The following URI1 variants were observed in gnomAD, a reference collection of about 807,000 sequenced individuals.
URI1 encodes unconventional prefoldin RPB5 interactor 1.
In URI1, 39 loss-of-function variants were observed where a neutral mutation model predicts 60.2. That is an observed-to-expected ratio of 0.65 (90% CI 0.50 to 0.85). The LOEUF (loss-of-function observed/expected upper bound fraction) is 0.85, where lower values mean the gene tolerates loss of function less well. Ranked by LOEUF, URI1 falls within the 40% of genes least tolerant of loss-of-function variation. URI1 has a pLI of 0.00. For missense variants in URI1, 691 were observed against 665.9 expected, an observed-to-expected ratio of 1.04 and a Z score of -0.42; for synonymous variants, 251 against 236.8, an observed-to-expected ratio of 1.06 and a Z score of -0.55.
intron 1 of URI1, among the ~76,000 whole-genome samples, chr19:29,934,855 C>G (rs989860009): frequency 6.6e-6 from 1 of 152,162 alleles, no homozygotes; most frequent in South Asian, 2.1e-4. Flanking sequence ...CAGGCATAAG[C>G]CAACATGCCC....
chr19:29,982,891 G>T (rs995611846), intron 2 of URI1, among the ~76,000 whole-genome samples: 16 of 152,148 alleles, frequency 1.1e-4, no homozygotes, highest in African/African-American at 3.9e-4. Context: ...ATTTAATTCT[G>T]TTGAACCTGT....
chr19:29,978,842 G>A (rs2055557703), intron 2 of URI1, among the ~76,000 whole-genome samples: 1 of 152,062 alleles, frequency 6.6e-6, no homozygotes, highest in Non-Finnish European at 1.5e-5. Flanking sequence ...TAATTTTGAG[G>A]TTTTTAAATA....
At chr19:29,947,256 G>A (rs1391060089) in intron 1 of URI1, among the ~76,000 whole-genome samples, 1 of 152,200 alleles carries the variant, frequency 6.6e-6, no homozygotes, top group African/African-American at 2.4e-5. Context: ...ATGCATATGT[G>A]AAGAAATGGA....
intron 1 of URI1, among the ~76,000 whole-genome samples, chr19:29,927,654 G>A (rs1443318015): frequency 7.3e-6 from 1 of 137,592 alleles, no homozygotes; most frequent in Non-Finnish European, 1.5e-5. Flanking sequence ...TCAGCTCACT[G>A]CAACCTCCAC....
At chr19:29,938,663 A>C (rs988980691), upstream of URI1, among the ~76,000 whole-genome samples, 8 of 152,164 alleles carry the variant, frequency 5.3e-5, no homozygotes, top group African/African-American at 1.9e-4. Context: ...TAAAGTAATA[A>C]GGTAATAAAA....
intron 4 of URI1, among the ~76,000 whole-genome samples, chr19:29,988,003 A>G (rs1486631861): frequency 1.3e-5 from 2 of 152,038 alleles, no homozygotes; most frequent in East Asian, 3.9e-4. Context: ...CCTCGTCTCT[A>G]CTAAAAATAC....
chr19:29,948,715 A>G (rs2055132469), intron 1 of URI1, among the ~76,000 whole-genome samples: 1 of 152,226 alleles, frequency 6.6e-6, no homozygotes, highest in East Asian at 1.9e-4. Context: ...AGTACAGAAC[A>G]AAATGTAGTC....
chr19:29,951,187 A>G lies in URI1; in HGVS notation c.117+8523A>G, dbSNP rs1272480125. On this transcript the variant is annotated intron_variant, in intron 1 of 10. Coordinates refer to ENST00000392271, the MANE Select transcript of URI1 (RefSeq NM_003796.3). ...AGACACATAATGTCATTTTTGTCCC[A>G]TTATTAGTGTTGCTAACCACTTGTT... Among the ~76,000 whole-genome samples the G allele has an allele frequency of 4.6e-5, 7 of 152,152 alleles. No homozygotes were observed. In the South Asian group the frequency reaches 8.3e-4, roughly 18 times the overall value.
At chr19:29,957,072 C>T in intron 1 of URI1, 1 of 528,570 alleles carries the variant, frequency 1.9e-6, no homozygotes, top group South Asian at 2.1e-5. Flanking sequence ...TTGTCATTTT[C>T]CTGCTTATAA....
intron 1 of URI1, among the ~76,000 whole-genome samples, chr19:29,950,267 G>C (rs2145251521): frequency 6.6e-6 from 1 of 152,298 alleles, no homozygotes; most frequent in African/African-American, 2.4e-5. Context: ...ACACTGGGGG[G>C]AAAGGGGGAA....
At position 30,009,311 on chromosome 19, in the gene URI1, T is replaced by C; in HGVS notation, c.993T>C (p.Ser331=). The C allele has an allele frequency of 6.2e-7, 1 of 1,614,116 alleles. No individual in the cohort carries two copies. The highest frequency in any genetic ancestry group is 8.5e-7 in the Non-Finnish European group (1 of 1,179,984). Residue 331 remains serine, a synonymous_variant, in exon 8 of 11, where the codon TCT becomes TCC. Transcript: ENST00000392271. The stretch of plus-strand genomic sequence containing the variant: ...AGGCTTTAGGGGTTGGAGATAATTC[T>C]ATACCAACAATATATTTTTCACATA... ...DHEALGVGDN[S]IPTIYFSHTV...
Position 30,012,479 on chromosome 19 carries a change from A to G in URI1, c.1373A>G (p.Glu458Gly). 6.2e-7 allele frequency: 1 copy of G among 1,614,228 alleles called. No homozygotes were observed. The highest frequency in any genetic ancestry group is 8.5e-7 in the Non-Finnish European group (1 of 1,180,020). Residue 458 changes from glutamate (E) to glycine (G), a missense_variant, in exon 10 of 11, where the codon GAG (glutamate) becomes GGG (glycine). Coordinates refer to ENST00000392271, the MANE Select transcript of URI1 (RefSeq NM_003796.3). Reference protein sequence around the residue: ...CSDTSESILEEEPQENQKKLL... With the variant: ...CSDTSESILEGEPQENQKKLL... The stretch of plus-strand genomic sequence containing the variant: ...GACACCAGTGAGAGCATTTTGGAAG[A>G]GGAACCACAAGAAAATCAAAAGAAA...
intron 1 of URI1, among the ~76,000 whole-genome samples, chr19:29,930,641 G>A (rs1336648641): frequency 1.3e-5 from 2 of 151,774 alleles, no homozygotes; most frequent in Admixed American, 1.3e-4. Flanking sequence ...TTATTTTCTG[G>A]GCTCTTTATT....
chr19:29,979,169 A>G (rs968610748), intron 2 of URI1, among the ~76,000 whole-genome samples: 1 of 152,220 alleles, frequency 6.6e-6, no homozygotes, highest in Non-Finnish European at 1.5e-5. Context: ...AATTTGCACA[A>G]ACTTTCAAAG....
chr19:30,015,746 A>G lies in URI1; in HGVS notation c.*677A>G. 1 of 646,680 alleles carries G rather than the reference A, an allele frequency of 1.5e-6. No homozygotes were observed. Among genetic ancestry groups the G allele is most frequent in the Non-Finnish European group, 2.6e-6 (1 of 383,384 alleles). 40.1% of individuals were successfully genotyped at this position (646,680 alleles called of 1,614,324 possible). ...TTATGATTCAAAATTGAGTACAGAT[A>G]TGTCCTTGATTCATATGTATGCTAC... On this transcript the variant is annotated 3_prime_UTR_variant, in exon 11 of 11. Transcript: ENST00000392271.
At chr19:29,950,396 G>A (rs1462525739) in intron 1 of URI1, among the ~76,000 whole-genome samples, 1 of 148,090 alleles carries the variant, frequency 6.8e-6, no homozygotes, top group East Asian at 2.0e-4. Context: ...CCAGAGTGAT[G>A]TCTCAATCTT....
Position 30,007,944 on chromosome 19 carries a change from A to G in URI1, c.686+306A>G, listed in dbSNP as rs188678238. Among the ~76,000 whole-genome samples, 116 of 152,208 alleles carry G rather than the reference A, an allele frequency of 7.6e-4. 2 individuals are homozygous for G. In the East Asian group the frequency reaches 0.018, roughly 24 times the overall value. ...TATACCAGATAGTTGACTTTTAATA[A>G]TCATGGATTTAATATATATAATGTT... On this transcript the variant is annotated intron_variant, in intron 7 of 10. Transcript: ENST00000392271.
At chr19:29,939,583 C>A (rs2055003923), upstream of URI1, among the ~76,000 whole-genome samples, 1 of 152,086 alleles carries the variant, frequency 6.6e-6, no homozygotes, top group East Asian at 1.9e-4. Context: ...CAAAGCTGAT[C>A]ATTTGAAAGT....
chr19:29,985,374 A>G, intron 3 of URI1, 73 bp downstream of exon 3: 3 of 1,320,338 alleles, frequency 2.3e-6, no homozygotes, highest in Non-Finnish European at 2.2e-6. Flanking sequence ...CGGTTCACAG[A>G]ATGTCAGGCT....
Sources: allele counts gnomAD v4.1 joint callset (sites outside exome capture counted in the v4.1 genomes callset), GRCh38; gene constraint gnomAD v4.1.1; transcripts MANE v1.5; gene names NCBI Gene and HGNC (gene_info 2026-07-23, HGNC 2026-07-21).